The following SLIT3 variants were observed in gnomAD, a reference collection of about 807,000 sequenced individuals.
SLIT3 encodes the protein slit homolog 3 protein.
SLIT3 carries 68 observed loss-of-function variants against 184.0 expected under a neutral mutation model. That is an observed-to-expected ratio of 0.37 (90% CI 0.30 to 0.45). SLIT3 has a LOEUF of 0.45. SLIT3 is among the 20% of genes least tolerant of loss of function. The pLI, the probability that SLIT3 is intolerant of heterozygous loss-of-function variation, is 1.00. For synonymous variants in SLIT3, 831 were observed against 828.6 expected (o/e 1.00, Z -0.05); for missense variants, 1,707 against 2,026.0 (o/e 0.84, Z 3.02).
rs141965668 is a variant in SLIT3, at chr5:168,867,674, G to A, written c.485+15591C>T. On this transcript the variant is annotated intron_variant, in intron 5 of 35. Coordinates refer to ENST00000519560, the MANE Select transcript of SLIT3 (RefSeq NM_003062.4). ...CTTTGTACAATTAGCAATGGTCCATGTGAGTTGGTTTTGGGAAGATCTGCT... is the reference window on the plus strand; with the variant it reads ...CTTTGTACAATTAGCAATGGTCCATATGAGTTGGTTTTGGGAAGATCTGCT... Among the ~76,000 whole-genome samples, 8 of 152,344 alleles carry A rather than the reference G, an allele frequency of 5.3e-5. No individual in the cohort carries two copies. In the East Asian group the frequency reaches 1.5e-3, roughly 29 times the overall value.
intron 8 of SLIT3, among the ~76,000 whole-genome samples, chr5:168,816,731 C>A (rs1329488232): frequency 6.6e-6 from 1 of 152,182 alleles, no homozygotes; most frequent in African/African-American, 2.4e-5. Flanking sequence ...TAGCTTTTAC[C>A]AAGGGCTGTG....
chr5:168,980,114 C>A (rs1360568202), intron 4 of SLIT3, among the ~76,000 whole-genome samples: 1 of 152,116 alleles, frequency 6.6e-6, no homozygotes, highest in Non-Finnish European at 1.5e-5. Context: ...CAAAAGACTC[C>A]AATCCCAAAC....
intron 5 of SLIT3, among the ~76,000 whole-genome samples, chr5:168,879,468 G>T (rs915092833): frequency 6.6e-6 from 1 of 152,240 alleles, no homozygotes; most frequent in Middle Eastern, 3.4e-3. Context: ...TCCATGTGCC[G>T]ATGCATATTT....
At chr5:169,285,629 G>A (rs764960898) in intron 1 of SLIT3, among the ~76,000 whole-genome samples, 4 of 152,152 alleles carry the variant, frequency 2.6e-5, no homozygotes, top group Non-Finnish European at 5.9e-5. Context: ...GAGTTGTTCT[G>A]AGTTGCTGCA....
At chr5:168,874,423 T>C (rs905002655) in intron 5 of SLIT3, among the ~76,000 whole-genome samples, 1 of 152,220 alleles carries the variant, frequency 6.6e-6, no homozygotes, top group Non-Finnish European at 1.5e-5. Flanking sequence ...TTATTGTTTA[T>C]TGAGCATTAC....
intron 4 of SLIT3, among the ~76,000 whole-genome samples, chr5:169,130,656 T>G (rs2113313365): frequency 6.6e-6 from 1 of 152,326 alleles, no homozygotes; most frequent in South Asian, 2.1e-4. Context: ...AGCAAATATA[T>G]GGAAATAGTT....
chr5:168,691,551 TAAAG>T (rs932983325), intron 29 of SLIT3, among the ~76,000 whole-genome samples: 10 of 152,222 alleles, frequency 6.6e-5, no homozygotes, highest in African/African-American at 2.4e-4. Context: ...GCATTCTCCT[TAAAG>T]ACTCATCAGC....
intron 6 of SLIT3, among the ~76,000 whole-genome samples, chr5:168,836,194 C>G (rs773166839): frequency 1.3e-5 from 2 of 152,144 alleles, no homozygotes; most frequent in Admixed American, 6.5e-5. Context: ...CTGAGCTGTC[C>G]AATCTTGGGC....
At chr5:168,818,292 C>T (rs563438817) in intron 7 of SLIT3, among the ~76,000 whole-genome samples, 1 of 152,184 alleles carries the variant, frequency 6.6e-6, no homozygotes, top group Non-Finnish European at 1.5e-5. Flanking sequence ...GGATGAATTT[C>T]TTGCCCCTGA....
chr5:169,225,097 A>G (rs557958671), intron 3 of SLIT3, among the ~76,000 whole-genome samples: 1 of 152,338 alleles, frequency 6.6e-6, no homozygotes, highest in East Asian at 1.9e-4. Context: ...TACTCAAAAT[A>G]ATTGGCTGCT....
At chr5:168,861,402 C>T (rs1407011320) in intron 5 of SLIT3, among the ~76,000 whole-genome samples, 1 of 121,502 alleles carries the variant, frequency 8.2e-6, no homozygotes, top group Non-Finnish European at 1.8e-5. Context: ...CCAACCCCTG[C>T]CCCCCGCCCC....
intron 24 of SLIT3, among the ~76,000 whole-genome samples, chr5:168,711,801 C>T (rs937301907): frequency 6.6e-6 from 1 of 152,070 alleles, no homozygotes; most frequent in African/African-American, 2.4e-5. Context: ...TAGCTAGTCA[C>T]CTAATATTTA....
chr5:168,799,505 T>C (rs376384396), intron 9 of SLIT3, among the ~76,000 whole-genome samples: 5 of 152,266 alleles, frequency 3.3e-5, no homozygotes, highest in African/African-American at 1.2e-4. Flanking sequence ...TCTGTATTGA[T>C]TTGCCCTAGT....
intron 4 of SLIT3, among the ~76,000 whole-genome samples, chr5:169,175,577 G>A (rs541867185): frequency 6.6e-5 from 10 of 152,286 alleles, no homozygotes; most frequent in South Asian, 6.2e-4. Context: ...CTTTGTAAGC[G>A]TTCAACAAAT....
chr5:169,248,434 G>A (rs1765669969), intron 2 of SLIT3, among the ~76,000 whole-genome samples: 1 of 152,082 alleles, frequency 6.6e-6, no homozygotes, highest in Non-Finnish European at 1.5e-5. Flanking sequence ...GAATGAATGA[G>A]CTAAGACCCT....
At position 169,278,233 on chromosome 5, in the gene SLIT3, G is replaced by C. The variant is rs7724271; in HGVS notation, c.197+22280C>G. 2.6e-3 allele frequency among the ~76,000 whole-genome samples: 391 copies of C among 152,246 alleles called. 2 individuals carry two copies. The highest frequency in any genetic ancestry group is 3.8e-3 in the Non-Finnish European group (258 of 68,020). On this transcript the variant is annotated intron_variant, in intron 1 of 35. Coordinates refer to ENST00000519560, the MANE Select transcript of SLIT3 (RefSeq NM_003062.4). ...CACAAATAGGGGGCTTTCCTCCAGCGACCATCTGTACCACCTTTCTGCATT... is the reference window on the plus strand; with the variant it reads ...CACAAATAGGGGGCTTTCCTCCAGCCACCATCTGTACCACCTTTCTGCATT...
chr5:168,774,031 G>A (rs190180208), intron 13 of SLIT3, among the ~76,000 whole-genome samples: 1 of 152,328 alleles, frequency 6.6e-6, no homozygotes, highest in African/African-American at 2.4e-5. Flanking sequence ...TTAAGACAGG[G>A]TAAGTACTCC....
chr5:169,294,452 C>G (rs1254987128), intron 1 of SLIT3, among the ~76,000 whole-genome samples: 1 of 152,174 alleles, frequency 6.6e-6, no homozygotes, highest in African/African-American at 2.4e-5. Flanking sequence ...GGGGCAGGAC[C>G]AAGAGCAGAG....
At chr5:169,033,808 TG>T (rs748225479) in intron 4 of SLIT3, among the ~76,000 whole-genome samples, 37 of 149,362 alleles carry the variant, frequency 2.5e-4, no homozygotes, top group Non-Finnish European at 4.2e-4. Flanking sequence ...CACTATTGTA[TG>T]ATTTTTTTTT....
Sources: allele counts gnomAD v4.1 joint callset (sites outside exome capture counted in the v4.1 genomes callset), GRCh38; gene constraint gnomAD v4.1.1; transcripts MANE v1.5; gene names NCBI Gene and HGNC (gene_info 2026-07-23, HGNC 2026-07-21).